Variants in PAPPA observed in about 807,000 individuals in gnomAD.
PAPPA encodes the protein pappalysin-1.
In PAPPA, 60 loss-of-function variants were observed where a neutral mutation model predicts 164.0. The ratio of observed to expected loss-of-function variants is 0.37; its 90% CI spans 0.30 to 0.45. The LOEUF is 0.45. PAPPA is among the 20% of genes least tolerant of loss of function. The pLI is 1.00. For synonymous variants in PAPPA, 875 were observed against 814.1 expected, an observed-to-expected ratio of 1.07 and a Z score of -1.27; for missense variants, 1,782 against 2,087.3, an observed-to-expected ratio of 0.85 and a Z score of 2.85.
At chr9:116,395,138 G>T (rs947060424) in intron 21 of PAPPA, among the ~76,000 whole-genome samples, 6 of 152,160 alleles carry the variant, frequency 3.9e-5, no homozygotes, top group Admixed American at 2.6e-4. Flanking sequence ...CCCATTAAAT[G>T]AATGAGTTCA....
chr9:116,250,013 ATGTGTGTG>A (rs67162181), intron 7 of PAPPA, among the ~76,000 whole-genome samples: 2,720 of 143,474 alleles, frequency 0.019, 62 homozygotes, highest in Non-Finnish European at 0.014. Context: ...GTACCTGCAT[ATGTGTGTG>A]TGTGTGTGTG....
At chr9:116,190,334 T>G (rs1844026238) in intron 2 of PAPPA, among the ~76,000 whole-genome samples, 1 of 152,328 alleles carries the variant, frequency 6.6e-6, no homozygotes, top group Non-Finnish European at 1.5e-5. Flanking sequence ...TATTTGCTCA[T>G]TCATTCACTC....
intron 17 of PAPPA, among the ~76,000 whole-genome samples, chr9:116,358,040 C>T (rs1251206192): frequency 6.6e-6 from 1 of 152,200 alleles, no homozygotes; most frequent in Non-Finnish European, 1.5e-5. Flanking sequence ...TGTGCAGTGC[C>T]TCAGCTAGGT....
At chr9:116,202,566 G>T (rs1163940789) in intron 2 of PAPPA, among the ~76,000 whole-genome samples, 1 of 152,132 alleles carries the variant, frequency 6.6e-6, no homozygotes, top group African/African-American at 2.4e-5. Context: ...TGCATGGGTT[G>T]TGTAGGAAGA....
chr9:116,186,502 A>G (rs1386322629), intron 1 of PAPPA, among the ~76,000 whole-genome samples: 1 of 152,132 alleles, frequency 6.6e-6, no homozygotes, highest in Non-Finnish European at 1.5e-5. Context: ...ATAAATGGCA[A>G]GATTCCTGTT....
In PAPPA at chr9:116,226,107, C is replaced by A. The variant is rs373196564; in HGVS notation, c.2112-1324C>A. Among the ~76,000 whole-genome samples the A allele has an allele frequency of 2.1e-4, 32 of 152,276 alleles. 1 individual carries two copies. The East Asian group carries it at 4.6e-3, about 22-fold the overall frequency. ...AAGTCTGCAGAGGGGATGTGGGTAA[C>A]ATGACGCAACATGATAGGTAGACAG... is the stretch of plus-strand genomic sequence containing the variant. On this transcript the variant is annotated intron_variant, in intron 5 of 21. Coordinates refer to ENST00000328252, the MANE Select transcript of PAPPA (RefSeq NM_002581.5).
chr9:116,299,715 C>T (rs1845556388), intron 9 of PAPPA, among the ~76,000 whole-genome samples: 1 of 152,166 alleles, frequency 6.6e-6, no homozygotes, highest in Non-Finnish European at 1.5e-5. Flanking sequence ...GGCCAGTCTT[C>T]TACTTCTTGC....
At chr9:116,298,350 G>T (rs1845536086) in intron 9 of PAPPA, among the ~76,000 whole-genome samples, 1 of 152,238 alleles carries the variant, frequency 6.6e-6, no homozygotes, top group Non-Finnish European at 1.5e-5. Flanking sequence ...TCTGGCATAT[G>T]AAATCTCAAC....
At chr9:116,375,739 T>C (rs1348825550) in intron 19 of PAPPA, among the ~76,000 whole-genome samples, 1 of 152,116 alleles carries the variant, frequency 6.6e-6, no homozygotes, top group Non-Finnish European at 1.5e-5. Context: ...GGCTACCATA[T>C]AGGTCTGCCC....
At chr9:116,282,927 A>G (rs1845284903) in intron 9 of PAPPA, among the ~76,000 whole-genome samples, 1 of 152,214 alleles carries the variant, frequency 6.6e-6, no homozygotes, top group African/African-American at 2.4e-5. Context: ...CTAAGCCAAT[A>G]CTGATTAAGT....
chr9:116,193,759 A>G (rs868659202), intron 2 of PAPPA, among the ~76,000 whole-genome samples: 15 of 152,210 alleles, frequency 9.9e-5, no homozygotes, highest in South Asian at 4.1e-4. Context: ...CTCTGTCTTC[A>G]AGGTGCTTGT....
intron 2 of PAPPA, among the ~76,000 whole-genome samples, chr9:116,194,873 G>A (rs533377132): frequency 1.3e-5 from 2 of 152,252 alleles, no homozygotes; most frequent in Non-Finnish European, 2.9e-5. Flanking sequence ...CAAATTGAGA[G>A]CATTTGCTGA....
Position 116,154,143 on chromosome 9 carries a change from G to C in PAPPA, c.-30G>C. 2 of 1,262,574 alleles carry C rather than the reference G, an allele frequency of 1.6e-6. No homozygotes were observed. Among genetic ancestry groups the C allele is most frequent in the Non-Finnish European group, 2.1e-6 (2 of 967,316 alleles). 78.2% of individuals were successfully genotyped at this position (1,262,574 alleles called of 1,614,324 possible). On this transcript the variant is annotated 5_prime_UTR_variant, in exon 1 of 22. Coordinates refer to ENST00000328252, the MANE Select transcript of PAPPA (RefSeq NM_002581.5). This position sits in a 1 kb window ranked among gnomAD's most constrained non-coding sequence, Gnocchi z 5.2. ...GGCAGCTCCGGGTGGCGGTGCAGGG[G>C]CGAAGGGGGGGCGGGGGGAACCGTC... is the stretch of plus-strand genomic sequence containing the variant.
Position 116,188,127 on chromosome 9 carries a change from T to C in PAPPA, c.1389T>C (p.Tyr463=), listed in dbSNP as rs1844000196. The change falls in exon 2 of 22, where the codon TAT becomes TAC. Residue 463 remains tyrosine, a synonymous_variant. Transcript: ENST00000328252. ...HNGVCDMDCN[Y]ERFNFDGGEC... ...GGGTGTGTGACATGGACTGCAACTA[T>C]GAACGGTTCAACTTTGATGGTGGAG... 17 of 1,614,222 alleles carry C rather than the reference T, an allele frequency of 1.1e-5. No homozygotes were observed. The highest frequency in any genetic ancestry group is 1.4e-5 in the Non-Finnish European group (17 of 1,180,032).
chr9:116,310,097 ATGCTAATTAGAGTG>A (rs1484493472), intron 10 of PAPPA, among the ~76,000 whole-genome samples: 2 of 152,230 alleles, frequency 1.3e-5, no homozygotes, highest in African/African-American at 4.8e-5. Flanking sequence ...CAATTCTGCA[ATGCTAATTAGAGTG>A]TGCTATTTGC....
intron 18 of PAPPA, among the ~76,000 whole-genome samples, chr9:116,367,216 T>C (rs975622047): frequency 1.8e-4 from 28 of 152,154 alleles, no homozygotes; most frequent in African/African-American, 4.8e-4. Flanking sequence ...AGGATGAGAA[T>C]TGTGGGACTC....
intron 6 of PAPPA, among the ~76,000 whole-genome samples, chr9:116,228,139 G>A (rs527846499): frequency 1.3e-5 from 2 of 152,248 alleles, no homozygotes; most frequent in South Asian, 4.2e-4. Flanking sequence ...TTGTCTCTCA[G>A]GCTTACCAAG....
intron 9 of PAPPA, among the ~76,000 whole-genome samples, chr9:116,274,073 T>C (rs1845168313): frequency 1.5e-5 from 2 of 136,694 alleles, no homozygotes; most frequent in Admixed American, 1.5e-4. Flanking sequence ...CTCACTGTGG[T>C]AAGCTACCTG....
intron 10 of PAPPA, chr9:116,316,471 T>A (rs970385270): frequency 6.6e-6 from 1 of 152,374 alleles, no homozygotes; most frequent in East Asian, 1.9e-4. Flanking sequence ...TTTGTGCAGA[T>A]GTCTGTTGCC....
Sources: allele counts gnomAD v4.1 joint callset (sites outside exome capture counted in the v4.1 genomes callset), GRCh38; gene constraint gnomAD v4.1.1; non-coding constraint Gnocchi (gnomAD v3.1); transcripts MANE v1.5; gene names NCBI Gene and HGNC (gene_info 2026-07-23, HGNC 2026-07-21).